The following CNOT1 variants were observed in gnomAD, a reference collection of about 807,000 sequenced individuals.
CNOT1 encodes the protein CCR4-associated factor 1.
CNOT1 carries 15 observed loss-of-function variants against 273.8 expected under a neutral mutation model. That is an observed-to-expected ratio of 0.05 (90% CI 0.04 to 0.08). CNOT1 has a LOEUF of 0.08. Among genes scored for constraint, CNOT1 ranks in the 10% least tolerant of loss-of-function variants. The pLI, the probability that CNOT1 is intolerant of heterozygous loss-of-function variation, is 1.00. For missense variants in CNOT1, 1,644 were observed against 2,912.2 expected (o/e 0.56, Z 10.02); for synonymous variants, 1,022 against 1,005.5 (o/e 1.02, Z -0.31).
intron 16 of CNOT1, among the ~76,000 whole-genome samples, chr16:58,562,744 A>G (rs1476997651): frequency 1.3e-5 from 2 of 151,806 alleles, no homozygotes; most frequent in Admixed American, 1.3e-4. Context: ...AATCGCTTGA[A>G]CCCGGGAGGC....
In CNOT1 at chr16:58,542,333, T is replaced by C. The variant is rs1383893221; in HGVS notation, c.4578A>G (p.Glu1526=). 4 of 1,614,028 alleles carry C rather than the reference T, an allele frequency of 2.5e-6. No homozygotes were observed. Among genetic ancestry groups the C allele is most frequent in the South Asian group, 2.2e-5 (2 of 91,064 alleles). The stretch of plus-strand genomic sequence containing the variant: ...GCCTAGCATGTTTTCTCAGCTCAAA[T>C]TCCTGCAAACAAAAAAAGTCACTGA... ...GPEMDKRLAT[E]FELRKHARQE... is the part of the protein sequence containing the mutation. The change falls in exon 33 of 49, where the codon GAA becomes GAG. Residue 1526 remains glutamate (E), a splice_region_variant and synonymous_variant. Coordinates refer to ENST00000317147, the MANE Select transcript of CNOT1 (RefSeq NM_016284.5).
At position 58,551,232 on chromosome 16, in the gene CNOT1, G is replaced by T; in HGVS notation, c.3242C>A (p.Ala1081Asp). The T allele has an allele frequency of 6.2e-7, 1 of 1,603,898 alleles. No individual in the cohort carries two copies. The highest frequency in any genetic ancestry group is 1.1e-5 in the South Asian group (1 of 88,084). ...NTTNIDTLLV[A>D]TDQTERIVEP... is the part of the protein sequence containing the mutation. ...CACAATTCTCTCAGTTTGATCTGTGGCCACAAGCAACGTATCTATATTTGT... is the reference window on the plus strand; with the variant it reads ...CACAATTCTCTCAGTTTGATCTGTGTCCACAAGCAACGTATCTATATTTGT... The change falls in exon 24 of 49, where the codon GCC becomes GAC. Residue 1081 changes from alanine to aspartate, a missense_variant. Coordinates refer to ENST00000317147, the MANE Select transcript of CNOT1 (RefSeq NM_016284.5).
Position 58,520,388 on chromosome 16 carries a change from C to G in CNOT1, c.*570G>C, listed in dbSNP as rs1464097879. Reference sequence around the variant, plus strand: ...GCTTTGGAATACGTTTGGGTAGAGACAAAATGGAAACTCATGGGATTCCAA... The same window carrying G: ...GCTTTGGAATACGTTTGGGTAGAGAGAAAATGGAAACTCATGGGATTCCAA... On this transcript the variant is annotated 3_prime_UTR_variant, in exon 49 of 49. Transcript: ENST00000317147. The G allele has an allele frequency of 6.5e-6, 1 of 154,062 alleles. No homozygotes were observed. Among genetic ancestry groups the G allele is most frequent in the East Asian group, 1.9e-4 (1 of 5,230 alleles). 9.5% of individuals were successfully genotyped at this position (154,062 alleles called of 1,614,324 possible).
chr16:58,565,178 T>G (rs1279172444), intron 16 of CNOT1, among the ~76,000 whole-genome samples: 1 of 152,174 alleles, frequency 6.6e-6, no homozygotes, highest in Non-Finnish European at 1.5e-5. Context: ...AATGCAGTGG[T>G]ACAATTATGG....
intron 22 of CNOT1, among the ~76,000 whole-genome samples, chr16:58,552,160 G>A (rs548042584): frequency 2.2e-4 from 33 of 151,692 alleles, no homozygotes; most frequent in Middle Eastern, 3.4e-3. Flanking sequence ...AGGCAGCAAT[G>A]AGAAACCAAA....
At chr16:58,527,089 GTCCTCTCTC>G (rs1483632799) in intron 44 of CNOT1, among the ~76,000 whole-genome samples, 2 of 152,100 alleles carry the variant, frequency 1.3e-5, no homozygotes, top group Non-Finnish European at 2.9e-5. Context: ...ATTTTAAGTG[GTCCTCTCTC>G]TCCTTTATTC....
chr16:58,581,679 T>TCA (rs2041662507), intron 10 of CNOT1, among the ~76,000 whole-genome samples, 164 bp from the exon 11 acceptor site: 1 of 151,326 alleles, frequency 6.6e-6, no homozygotes. Flanking sequence ...TTTTTTTTTT[T>TCA]AAGACAGAGT....
In CNOT1 at chr16:58,556,999, G is replaced by A; in HGVS notation, c.2333-6C>T. On this transcript the variant is annotated splice_region_variant and splice_polypyrimidine_tract_variant and intron_variant, in intron 18 of 48. Coordinates refer to ENST00000317147, the MANE Select transcript of CNOT1 (RefSeq NM_016284.5). ...GCCTGTGCCAAGACCACCTACTAGAGAGAACGAAGGCAGCCACAAATCCTA... is the reference window on the plus strand; with the variant it reads ...GCCTGTGCCAAGACCACCTACTAGAAAGAACGAAGGCAGCCACAAATCCTA... 1 of 1,611,924 alleles carries A rather than the reference G, an allele frequency of 6.2e-7. No individual in the cohort carries two copies. Among genetic ancestry groups the A allele is most frequent in the Non-Finnish European group, 8.5e-7 (1 of 1,179,432 alleles).
chr16:58,564,698 G>A (rs766585054), intron 16 of CNOT1, among the ~76,000 whole-genome samples: 1 of 152,012 alleles, frequency 6.6e-6, no homozygotes, highest in Non-Finnish European at 1.5e-5. Context: ...AATTGGCCGG[G>A]TGTGGAGGAT....
chr16:58,535,164 C>T (rs2039887582), intron 39 of CNOT1, among the ~76,000 whole-genome samples: 1 of 151,346 alleles, frequency 6.6e-6, no homozygotes, highest in Non-Finnish European at 1.5e-5. Context: ...TCACTACTTA[C>T]TAAACACAGA....
rs1324736289 is a variant in CNOT1 at position 58,547,831 on chromosome 16, CTCAATA to C, written c.3523-155_3523-150del. The C allele has an allele frequency of 5.9e-6, 4 of 675,832 alleles. No homozygotes were observed. Among genetic ancestry groups the C allele is most frequent in the Non-Finnish European group, 9.3e-6 (4 of 427,888 alleles). 41.9% of individuals were successfully genotyped at this position (675,832 alleles called of 1,614,324 possible). ...AAGTAGAATTACTCTGTATATCATTCTCAATATCATTTTGCTGTGTTTATGATTCAA... is the reference window on the plus strand; with the variant it reads ...AAGTAGAATTACTCTGTATATCATTCTCATTTTGCTGTGTTTATGATTCAA... On this transcript the variant is annotated intron_variant, in intron 25 of 48. Transcript: ENST00000317147. The surrounding 1 kb of genome is among the most constrained non-coding windows in gnomAD (Gnocchi z 4.0).
Position 58,576,600 on chromosome 16 carries a change from G to A in CNOT1, c.1585-18C>T, listed in dbSNP as rs768958163. On this transcript the variant is annotated intron_variant, in intron 13 of 48. Transcript: ENST00000317147. ...GACTGTCCCTAAAAAGGGGAAGAAA[G>A]ATTAAATAGCAATACTGCTAAACAC... is the stretch of plus-strand genomic sequence containing the variant. 2.5e-6 allele frequency: 4 copies of A among 1,613,744 alleles called. No homozygotes were observed. In the Admixed American group the frequency reaches 5.0e-5, roughly 20 times the overall value.
intron 18 of CNOT1, among the ~76,000 whole-genome samples, chr16:58,557,540 G>T (rs35832551): frequency 0.05 from 7,688 of 152,248 alleles, 267 homozygotes; most frequent in Middle Eastern, 0.085. Context: ...TGACAACATG[G>T]AAGTCCTTAG....
chr16:58,621,595 G>A (rs2043317842), intron 1 of CNOT1, among the ~76,000 whole-genome samples: 1 of 150,286 alleles, frequency 6.7e-6, no homozygotes, highest in African/African-American at 2.4e-5. Context: ...AGCAAAACCA[G>A]GCCTTATAGT....
rs2041564056 is a variant in CNOT1, at chr16:58,579,084, CT to C, written c.1344-146del. On this transcript the variant is annotated intron_variant, in intron 12 of 48. Coordinates refer to ENST00000317147, the MANE Select transcript of CNOT1 (RefSeq NM_016284.5). ...AGAAGTTTGAAGTCCACAGCACTCTCTTTAAGAATTATTTTTGCCCCAAGAG... is the reference window on the plus strand; with the variant it reads ...AGAAGTTTGAAGTCCACAGCACTCTCTTAAGAATTATTTTTGCCCCAAGAG... 10 of 1,419,878 alleles carry C rather than the reference CT, an allele frequency of 7.0e-6. No homozygotes were observed. In the East Asian group the frequency reaches 2.5e-4, roughly 36 times the overall value. 88.0% of individuals were successfully genotyped at this position (1,419,878 alleles called of 1,614,324 possible). A position where few individuals can be genotyped will look rare whatever the true frequency, so the allele number is the denominator to read the frequency against.
chr16:58,522,905 G>A (rs2039453938), intron 47 of CNOT1: 1 of 152,356 alleles, frequency 6.6e-6, no homozygotes, highest in Admixed American at 6.5e-5. Flanking sequence ...CATCCATTTT[G>A]CTCACAATTG....
Position 58,520,855 on chromosome 16 carries a change from G to A in CNOT1, c.*103C>T. On this transcript the variant is annotated 3_prime_UTR_variant, in exon 49 of 49. Transcript: ENST00000317147. ...TGGGGCAGATACCCACAAACCAAAG[G>A]GCTGGGAAAGTCAGGAAGAGCTGAA... 1 of 1,213,054 alleles carries A rather than the reference G, an allele frequency of 8.2e-7. No homozygotes were observed. The highest frequency in any genetic ancestry group is 1.7e-5 in the Admixed American group (1 of 58,062). 75.1% of individuals were successfully genotyped at this position (1,213,054 alleles called of 1,614,324 possible). A position where few individuals can be genotyped will look rare whatever the true frequency, so the allele number is the denominator to read the frequency against.
intron 13 of CNOT1, 70 bp from the exon 14 acceptor site, chr16:58,576,652 A>C: frequency 6.3e-7 from 1 of 1,592,130 alleles, no homozygotes; most frequent in Non-Finnish European, 8.6e-7. Context: ...ACAAATGCCC[A>C]GTTAATTTTG....
At chr16:58,609,874 T>C (rs897646607) in intron 1 of CNOT1, among the ~76,000 whole-genome samples, 2 of 150,308 alleles carry the variant, frequency 1.3e-5, no homozygotes, top group Non-Finnish European at 3.0e-5. Context: ...TATATAATAA[T>C]ACATTAACAT....
Sources: allele counts gnomAD v4.1 joint callset (sites outside exome capture counted in the v4.1 genomes callset), GRCh38; gene constraint gnomAD v4.1.1; non-coding constraint Gnocchi (gnomAD v3.1); transcripts MANE v1.5; gene names NCBI Gene and HGNC (gene_info 2026-07-23, HGNC 2026-07-21).